Variants in RPL3 observed in about 807,000 individuals in gnomAD.
RPL3 encodes the protein ribosomal protein L3.
RPL3 carries 3 observed loss-of-function variants against 46.0 expected under a neutral mutation model. The ratio of observed to expected loss-of-function variants is 0.07; its 90% CI spans 0.03 to 0.17. The LOEUF (loss-of-function observed/expected upper bound fraction) is 0.17. RPL3 is among the 10% of genes least tolerant of loss of function. The pLI, the probability that RPL3 is intolerant of heterozygous loss-of-function variation, is 1.00. For synonymous variants in RPL3, 224 were observed against 190.8 expected, an observed-to-expected ratio of 1.17 and a Z score of -1.43; for missense variants, 387 against 532.7, an observed-to-expected ratio of 0.73 and a Z score of 2.69.
chr22:39,318,021 G>C, intron 2 of RPL3: 1 of 342,516 alleles, frequency 2.9e-6, no homozygotes, highest in Non-Finnish European at 5.4e-6. Context: ...TCTCTAAGTA[G>C]AACACACACA....
In RPL3 at chr22:39,317,514, A is replaced by C. The variant is rs11547995; in HGVS notation, c.312T>G (p.Thr104=). The change falls in exon 3 of 10, where the codon ACT becomes ACG. Residue 104 remains threonine (T), a synonymous_variant. Transcript: ENST00000216146. ...CATCACTGATGTGCTCAGCAAAGAC[A>C]GTCTTGAAGGTCCGGAGGCCTCGAG... ...ETPRGLRTFK[T]VFAEHISDEC... 2 of 1,613,864 alleles carry C rather than the reference A, an allele frequency of 1.2e-6. No homozygotes were observed. The highest frequency in any genetic ancestry group is 1.7e-6 in the Non-Finnish European group (2 of 1,179,868).
chr22:39,317,811 A>G, intron 2 of RPL3, 182 bp from the exon 3 acceptor site: 1 of 621,654 alleles, frequency 1.6e-6, no homozygotes, highest in Non-Finnish European at 2.8e-6. Context: ...ATGTTATTCA[A>G]ACAAAAAATA....
intron 2 of RPL3, chr22:39,318,062 G>GA (rs769762339): frequency 3.6e-5 from 13 of 358,120 alleles, no homozygotes; most frequent in East Asian, 6.4e-5. Context: ...GCTTTCAGGT[G>GA]AAAAAAACAT....
At chr22:39,318,212 C>T in intron 2 of RPL3, 188 bp downstream of exon 2, 1 of 610,034 alleles carries the variant, frequency 1.6e-6, no homozygotes, top group Non-Finnish European at 2.8e-6. Flanking sequence ...ACAGTGCTGA[C>T]CATCTGTAGC....
At chr22:39,317,737 C>T (rs1922795517) in intron 2 of RPL3, 108 bp from the exon 3 acceptor site, 1 of 1,245,604 alleles carries the variant, frequency 8.0e-7, no homozygotes, top group Non-Finnish European at 1.1e-6. Context: ...CAACTGGGCC[C>T]CACACCTGCA....
chr22:39,319,365 C>A, intron 1 of RPL3: 1 of 626,364 alleles, frequency 1.6e-6, no homozygotes, highest in Non-Finnish European at 2.9e-6. Context: ...CCTGCTCCCA[C>A]CCTTACGGCC....
intron 9 of RPL3, 35 bp from the exon 10 acceptor site, chr22:39,313,019 A>C (rs752844072): frequency 6.2e-7 from 1 of 1,613,926 alleles, no homozygotes; most frequent in East Asian, 2.2e-5. Flanking sequence ...GAGGTAGAAG[A>C]TGACAGGTGA....
At chr22:39,315,615 A>ACTGCAGCTCCATGCGGC in intron 4 of RPL3, 60 bp from the exon 5 acceptor site, 2 of 1,591,112 alleles carry the variant, frequency 1.3e-6, no homozygotes, top group African/African-American at 2.7e-5. Context: ...CAGCAGAGGA[A>ACTGCAGCTCCATGCGGC]CTGCAGCTCC....
At position 39,314,716 on chromosome 22, in the gene RPL3, G is replaced by C. The variant is rs201380717; in HGVS notation, c.819C>G (p.Gly273=). Residue 273 remains glycine (G), a synonymous_variant, in exon 6 of 10, where the codon GGC becomes GGG. Coordinates refer to ENST00000216146, the MANE Select transcript of RPL3 (RefSeq NM_000967.4). The part of the protein sequence containing the change: ...AFSVARAGQK[G]YHHRTEINKK... ...TGTTGATCTCAGTGCGGTGATGGTA[G>C]CCTTTCTGCCCAGCGCGTGCCACAG... The C allele has an allele frequency of 1.2e-6, 2 of 1,613,488 alleles. No homozygotes were observed. Among genetic ancestry groups the C allele is most frequent in the African/African-American group, 1.3e-5 (1 of 74,968 alleles).
Position 39,314,681 on chromosome 22 carries a change from C to G in RPL3, c.849+5G>C. ...ACCCCCAGGGAGCCACTCTCAGAAC[C>G]TCACCTTCTTGTTGATCTCAGTGCG... On this transcript the variant is annotated splice_donor_5th_base_variant and intron_variant, in intron 6 of 9. Transcript: ENST00000216146. The G allele has an allele frequency of 6.2e-7, 1 of 1,611,038 alleles. No homozygotes were observed. The highest frequency in any genetic ancestry group is 2.2e-5 in the East Asian group (1 of 44,792).
intron 1 of RPL3, chr22:39,319,257 G>C (rs5757613): frequency 2.0e-6 from 1 of 499,992 alleles, no homozygotes; most frequent in South Asian, 1.8e-5. Flanking sequence ...CTTCTACCCA[G>C]ACAAGCAGGT....
Position 39,318,283 on chromosome 22 carries a change from C to A in RPL3, c.196+117G>T, listed in dbSNP as rs545105231. 67 of 1,004,078 alleles carry A rather than the reference C, an allele frequency of 6.7e-5. 1 individual carries two copies. The South Asian group carries it at 8.6e-4, about 13-fold the overall frequency. 62.2% of individuals were successfully genotyped at this position (1,004,078 alleles called of 1,614,324 possible). A position where few individuals can be genotyped will look rare whatever the true frequency, so the allele number is the denominator to read the frequency against. On this transcript the variant is annotated intron_variant, in intron 2 of 9. Coordinates refer to ENST00000216146, the MANE Select transcript of RPL3 (RefSeq NM_000967.4). ...TCTGCTGTCGCAGCAGTTCTGACAA[C>A]GTGTAACTCCTGCTTAAAAAAAAAA...
In RPL3 at chr22:39,315,481, C is replaced by A. The variant is rs1042310524; in HGVS notation, c.576G>T (p.Glu192Asp). The change falls in exon 5 of 10, where the codon GAG becomes GAT. Residue 192 changes from glutamate (E) to aspartate (D), a missense_variant. This residue lies in a region of RPL3 where 48 missense variants were observed against 80.7 expected (regional missense o/e 0.60). Coordinates refer to ENST00000216146, the MANE Select transcript of RPL3 (RefSeq NM_000967.4). ...EIQVNGGTVA[E>D]KLDWARERLE... ...GCCTCTCGCGGGCCCAGTCCAGCTT[C>A]TCGGCCACAGTGCCTCCGTTCACCT... 1.9e-6 allele frequency: 3 copies of A among 1,613,996 alleles called. No individual in the cohort carries two copies. The African/African-American group carries it at 4.0e-5, about 22-fold the overall frequency.
At position 39,315,562 on chromosome 22, in the gene RPL3, G is replaced by A. The variant is rs770361020; in HGVS notation, c.502-7C>T. The A allele has an allele frequency of 3.5e-5, 57 of 1,613,774 alleles. No individual in the cohort carries two copies. Among genetic ancestry groups the A allele is most frequent in the Non-Finnish European group, 4.4e-5 (52 of 1,180,032 alleles). The stretch of plus-strand genomic sequence containing the variant: ...GCAGAGGAAGCAGGCGCATCTAGGA[G>A]AAGGTAGACACAGCTCAGCTCCAGC... On this transcript the variant is annotated splice_polypyrimidine_tract_variant and splice_region_variant and intron_variant, in intron 4 of 9. Transcript: ENST00000216146.
intron 9 of RPL3, 67 bp from the exon 10 acceptor site, chr22:39,313,051 G>A (rs1922456803): frequency 1.9e-6 from 3 of 1,611,618 alleles, no homozygotes; most frequent in Admixed American, 3.3e-5. Flanking sequence ...CACTCTAGAG[G>A]AGACCAAGAC....
chr22:39,314,903 C>A (rs1223474596), intron 5 of RPL3, 57 bp from the exon 6 acceptor site: 7 of 1,583,276 alleles, frequency 4.4e-6, no homozygotes, highest in Non-Finnish European at 5.2e-6. Context: ...CTGACCCCTT[C>A]CTGCTACTCA....
intron 5 of RPL3, 70 bp downstream of exon 5, chr22:39,315,299 A>T (rs751274824): frequency 1.2e-6 from 2 of 1,601,292 alleles, no homozygotes; most frequent in South Asian, 1.1e-5. Context: ...AGCCTCATCA[A>T]CGAACAGCTG....
intron 3 of RPL3, 172 bp from the exon 4 acceptor site, chr22:39,317,013 C>A: frequency 1.0e-6 from 1 of 962,852 alleles, no homozygotes; most frequent in South Asian, 1.4e-5. Flanking sequence ...CGGGCAGAGC[C>A]GAGCGGAGCT....
intron 1 of RPL3, chr22:39,319,043 G>A (rs1390014400): frequency 3.7e-6 from 2 of 537,572 alleles, no homozygotes; most frequent in South Asian, 1.4e-5. Context: ...AAAGAACTCC[G>A]CAGAGCCAAA....
Sources: allele counts gnomAD v4.1 joint callset, GRCh38; gene constraint gnomAD v4.1.1; regional missense constraint gnomAD v4.1.1; transcripts MANE v1.5; gene names NCBI Gene and HGNC (gene_info 2026-07-23, HGNC 2026-07-21).